ASXL3: variants seen among roughly 807,000 people sequenced by gnomAD.
ASXL3 encodes putative Polycomb group protein ASXL3.
Under a neutral mutation model 170.6 loss-of-function variants are expected in ASXL3, and 34 were observed. That is an observed-to-expected ratio of 0.20 (90% CI 0.15 to 0.27). The LOEUF (loss-of-function observed/expected upper bound fraction) is 0.27. Among genes scored for constraint, ASXL3 ranks in the 10% least tolerant of loss-of-function variants. The pLI, the probability that ASXL3 is intolerant of heterozygous loss-of-function variation, is 1.00. For missense variants in ASXL3, 2,592 were observed against 2,695.3 expected (o/e 0.96, Z 0.85); for synonymous variants, 1,002 against 989.1 (o/e 1.01, Z -0.24).
chr18:33,615,648 C>T (rs1309023515), intron 2 of ASXL3, among the ~76,000 whole-genome samples: 2 of 152,076 alleles, frequency 1.3e-5, no homozygotes, highest in African/African-American at 4.8e-5. Context: ...CATGAAGTAT[C>T]CCTAAATTCC....
rs1332678958 is a variant in ASXL3, at chr18:33,737,474, G to A, written c.1083-1013G>A. 2.0e-5 allele frequency among the ~76,000 whole-genome samples: 3 copies of A among 152,062 alleles called. No homozygotes were observed. The East Asian group carries it at 5.8e-4, about 29-fold the overall frequency. On this transcript the variant is annotated intron_variant, in intron 10 of 11. Coordinates refer to ENST00000269197, the MANE Select transcript of ASXL3 (RefSeq NM_030632.3). ...ATTTCTCTACCATCTGATGCTGACA[G>A]TGTAAATTATATGATAGAAAACAGT...
At chr18:33,622,863 A>C (rs2065536944) in intron 2 of ASXL3, among the ~76,000 whole-genome samples, 1 of 152,190 alleles carries the variant, frequency 6.6e-6, no homozygotes, top group Non-Finnish European at 1.5e-5. Context: ...GGCATGTTCC[A>C]AGATAAAAAG....
chr18:33,610,526 T>C (rs560642232), intron 2 of ASXL3, among the ~76,000 whole-genome samples: 2 of 152,034 alleles, frequency 1.3e-5, no homozygotes, highest in African/African-American at 4.8e-5. Context: ...TTTCAAGTGC[T>C]ATCGGGGTCC....
intron 8 of ASXL3, among the ~76,000 whole-genome samples, chr18:33,722,772 C>CCATTGGGCTTTTATAGCTAGAG (rs2067284953): frequency 1.3e-5 from 2 of 152,088 alleles, no homozygotes; most frequent in Non-Finnish European, 2.9e-5. Flanking sequence ...GAAAAAGATG[C>CCATTGGGCTTTTATAGCTAGAG]CATTGGGCTT....
chr18:33,634,981 T>C (rs1247791181), intron 2 of ASXL3, among the ~76,000 whole-genome samples: 5 of 152,060 alleles, frequency 3.3e-5, no homozygotes, highest in East Asian at 1.9e-4. Context: ...GAGAACATCA[T>C]TGTGGACTGC....
chr18:33,664,363 T>G (rs982988158), intron 5 of ASXL3, among the ~76,000 whole-genome samples: 3 of 152,152 alleles, frequency 2.0e-5, no homozygotes, highest in African/African-American at 7.2e-5. Context: ...ATCTACATAC[T>G]TGAGTTGTTA....
intron 8 of ASXL3, among the ~76,000 whole-genome samples, chr18:33,713,248 G>GTTTTTTTTTTTTTT (rs1226619353): frequency 4.6e-5 from 3 of 65,084 alleles, no homozygotes; most frequent in African/African-American, 1.2e-4. Context: ...GTTTTGTTTT[G>GTTTTTTTTTTTTTT]TTTTTTTTTT....
In ASXL3 at chr18:33,739,478, G is replaced by A. The variant is rs1212866279; in HGVS notation, c.2074G>A (p.Ala692Thr). The change falls in exon 11 of 12, where the codon GCA becomes ACA. Residue 692 changes from alanine (A) to threonine (T), a missense_variant. Physicochemically the swap from Ala to Thr is moderately conservative, Grantham distance 58 (BLOSUM62 0). Around this residue, in one of 4 missense-constraint regions of ASXL3, gnomAD observed 2,246 missense variants for 2,219.6 expected, o/e 1.01. Transcript: ENST00000269197. ...ATCCACTTCACCTGAAATATCAGAA[G>A]CATCTCTTATGTCCAACTTACCATT... ...PISTSPEISE[A>T]SLMSNLPLTS... 1 of 1,613,798 alleles carries A rather than the reference G, an allele frequency of 6.2e-7. No individual in the cohort carries two copies. The highest frequency in any genetic ancestry group is 1.3e-5 in the African/African-American group (1 of 74,928).
chr18:33,624,515 T>C (rs960587238), intron 2 of ASXL3, among the ~76,000 whole-genome samples: 2 of 152,096 alleles, frequency 1.3e-5, no homozygotes, highest in African/African-American at 4.8e-5. Flanking sequence ...TTCAACCTTC[T>C]GAATGTATGA....
chr18:33,619,654 G>A (rs1381024461), intron 2 of ASXL3, among the ~76,000 whole-genome samples: 1 of 152,050 alleles, frequency 6.6e-6, no homozygotes, highest in Non-Finnish European at 1.5e-5. Context: ...TGGGTAATGG[G>A]AGAACTAAAG....
intron 11 of ASXL3, among the ~76,000 whole-genome samples, chr18:33,742,464 T>G (rs761987699): frequency 6.6e-6 from 1 of 152,216 alleles, no homozygotes; most frequent in Non-Finnish European, 1.5e-5. Flanking sequence ...GCTTTTTTCT[T>G]TGGGTCAAAT....
intron 8 of ASXL3, among the ~76,000 whole-genome samples, chr18:33,684,524 T>C (rs1331176985): frequency 6.6e-6 from 1 of 152,190 alleles, no homozygotes; most frequent in African/African-American, 2.4e-5. Flanking sequence ...TATATGTATC[T>C]CTTTGGTGGT....
intron 8 of ASXL3, among the ~76,000 whole-genome samples, chr18:33,703,862 T>G (rs1327363866): frequency 6.6e-6 from 1 of 152,162 alleles, no homozygotes; most frequent in Non-Finnish European, 1.5e-5. Context: ...TTCCAGATAC[T>G]CTAACTGGGT....
intron 8 of ASXL3, among the ~76,000 whole-genome samples, chr18:33,710,708 T>G (rs1411196630): frequency 1.3e-5 from 2 of 152,190 alleles, no homozygotes; most frequent in Non-Finnish European, 2.9e-5. Context: ...GATGTAGATC[T>G]ATTGGTGAAG....
At chr18:33,633,822 C>T (rs1354627599) in intron 2 of ASXL3, among the ~76,000 whole-genome samples, 4 of 124,470 alleles carry the variant, frequency 3.2e-5, no homozygotes, top group Non-Finnish European at 4.7e-5. Context: ...TACAGCCTGG[C>T]GGCACAGCAA....
At chr18:33,659,002 A>G (rs574824513) in intron 4 of ASXL3, among the ~76,000 whole-genome samples, 6 of 152,222 alleles carry the variant, frequency 3.9e-5, no homozygotes, top group Admixed American at 2.0e-4. Context: ...ATAGTGCCAT[A>G]ATAAATTTAA....
chr18:33,670,831 TGGA>T, intron 6 of ASXL3, 41 bp downstream of exon 6: 1 of 1,293,062 alleles, frequency 7.7e-7, no homozygotes, highest in Non-Finnish European at 1.1e-6. Flanking sequence ...AGTTTCTTCC[TGGA>T]GGAGACTTCC....
chr18:33,713,935 A>G (rs1406669826), intron 8 of ASXL3, among the ~76,000 whole-genome samples: 3 of 152,222 alleles, frequency 2.0e-5, no homozygotes, highest in African/African-American at 7.2e-5. Context: ...GCAAAACTTC[A>G]GTGTTACATG....
At chr18:33,713,935 A>T (rs1406669826) in intron 8 of ASXL3, among the ~76,000 whole-genome samples, 3 of 152,340 alleles carry the variant, frequency 2.0e-5, no homozygotes, top group East Asian at 3.9e-4. Flanking sequence ...GCAAAACTTC[A>T]GTGTTACATG....
Sources: allele counts gnomAD v4.1 joint callset (sites outside exome capture counted in the v4.1 genomes callset), GRCh38; gene constraint gnomAD v4.1.1; regional missense constraint gnomAD v4.1.1; transcripts MANE v1.5; gene names NCBI Gene and HGNC (gene_info 2026-07-23, HGNC 2026-07-21).